ATP9B: variants seen among roughly 807,000 people sequenced by gnomAD.
The protein encoded by ATP9B is ATPase phospholipid transporting 9B, also known as probable phospholipid-transporting ATPase IIB.
In ATP9B, 110 loss-of-function variants were observed where a neutral mutation model predicts 146.1. The observed-to-expected ratio is 0.75, with a 90% CI of 0.65 to 0.88. The LOEUF is 0.88. Among genes scored for constraint, ATP9B ranks in the 40% least tolerant of loss-of-function variants. The pLI, the probability that ATP9B is intolerant of heterozygous loss-of-function variation, is 0.00. For missense variants in ATP9B, 1,499 were observed against 1,496.4 expected (o/e 1.00, Z -0.03); for synonymous variants, 604 against 569.7 (o/e 1.06, Z -0.86).
At chr18:79,376,325 A>C in intron 29 of ATP9B, 1 of 985,344 alleles carries the variant, frequency 1.0e-6, no homozygotes, top group African/African-American at 1.7e-5. Flanking sequence ...TGCCTTCACA[A>C]ATTCTGCCAC....
chr18:79,234,782 G>T (rs77208858), intron 11 of ATP9B, among the ~76,000 whole-genome samples: 47 of 152,214 alleles, frequency 3.1e-4, no homozygotes, highest in Middle Eastern at 3.4e-3. Context: ...ATCAACGGAC[G>T]GTATTTGGTT....
chr18:79,069,829 G>A (rs1388102340), intron 1 of ATP9B, among the ~76,000 whole-genome samples: 3 of 152,268 alleles, frequency 2.0e-5, no homozygotes, highest in Non-Finnish European at 4.4e-5. Context: ...CTCTCCTAAA[G>A]TAAACGGGGA....
Position 79,253,705 on chromosome 18 carries a change from G to A in ATP9B, c.1268+164G>A, listed in dbSNP as rs149197283. ...GAATTCTTCTGTGGAAATGTTGTTG[G>A]GGGAGACGTCATCAGTGCCGGTAGA... On this transcript the variant is annotated intron_variant, in intron 12 of 29. Transcript: ENST00000426216. 886 of 719,196 alleles carry A rather than the reference G, an allele frequency of 1.2e-3. 4 individuals carry two copies. In the African/African-American group the frequency reaches 0.014, roughly 11 times the overall value. The allele number at this position is 719,196 out of a possible 1,614,324, so 44.6% of individuals were successfully genotyped here.
intron 8 of ATP9B, among the ~76,000 whole-genome samples, chr18:79,177,409 A>ATT (rs1005637316): frequency 2.1e-5 from 3 of 145,110 alleles, no homozygotes; most frequent in African/African-American, 2.5e-5. Context: ...CCAGTTCTTA[A>ATT]TTTTTTTTTT....
At chr18:79,283,291 A>G (rs2096399170) in intron 13 of ATP9B, among the ~76,000 whole-genome samples, 1 of 152,136 alleles carries the variant, frequency 6.6e-6, no homozygotes, top group Non-Finnish European at 1.5e-5. Context: ...GTATCAGAGG[A>G]GGCATGTTGA....
chr18:79,105,702 C>G (rs1039207723), intron 2 of ATP9B, among the ~76,000 whole-genome samples: 18 of 152,140 alleles, frequency 1.2e-4, no homozygotes, highest in African/African-American at 4.1e-4. Context: ...CACTTGTTAT[C>G]AAAAATCACT....
chr18:79,258,057 T>C (rs1370901245), intron 12 of ATP9B, among the ~76,000 whole-genome samples: 1 of 152,226 alleles, frequency 6.6e-6, no homozygotes, highest in Non-Finnish European at 1.5e-5. Flanking sequence ...ACCTTTTACC[T>C]TTATCCAGTT....
At chr18:79,176,751 A>G in intron 7 of ATP9B, 62 bp from the exon 8 acceptor site, 1 of 1,365,212 alleles carries the variant, frequency 7.3e-7, no homozygotes, top group Non-Finnish European at 1.0e-6. Flanking sequence ...TGGCACCTGT[A>G]GCTCAGGAAA....
At chr18:79,173,360 G>T (rs2095108930) in intron 7 of ATP9B, among the ~76,000 whole-genome samples, 1 of 150,348 alleles carries the variant, frequency 6.7e-6, no homozygotes, top group African/African-American at 2.4e-5. Flanking sequence ...TTTTTTAATG[G>T]GTTGTTCCTT....
intron 7 of ATP9B, among the ~76,000 whole-genome samples, chr18:79,160,745 GGTTTGTTTGTGTTT>G (rs1320339530): frequency 6.6e-6 from 1 of 151,226 alleles, no homozygotes; most frequent in African/African-American, 2.4e-5. Flanking sequence ...CAATTTTATG[GGTTTGTTTGTGTTT>G]GTTTGTTTGT....
chr18:79,085,964 C>G (rs1422688526), intron 1 of ATP9B: 2 of 151,274 alleles, frequency 1.3e-5, no homozygotes, highest in Admixed American at 1.3e-4. Context: ...TTATGATAGT[C>G]TAATATTTTA....
chr18:79,308,156 T>C (rs1177169693), intron 15 of ATP9B, among the ~76,000 whole-genome samples: 1 of 152,060 alleles, frequency 6.6e-6, no homozygotes, highest in Non-Finnish European at 1.5e-5. Flanking sequence ...CCCACCAGGA[T>C]AACAGGAATC....
intron 11 of ATP9B, among the ~76,000 whole-genome samples, chr18:79,237,627 C>T (rs2095853863): frequency 6.8e-6 from 1 of 148,070 alleles, no homozygotes; most frequent in Non-Finnish European, 1.5e-5. Context: ...TATGATTGTT[C>T]TCTGTAGAGG....
intron 26 of ATP9B, among the ~76,000 whole-genome samples, chr18:79,371,410 C>A (rs2097069839): frequency 6.9e-6 from 1 of 144,400 alleles, no homozygotes; most frequent in African/African-American, 2.6e-5. Context: ...AACAGTAGTG[C>A]TTCTTCGTCA....
At chr18:79,339,364 A>G (rs2096845224) in intron 19 of ATP9B, among the ~76,000 whole-genome samples, 1 of 146,242 alleles carries the variant, frequency 6.8e-6, no homozygotes, top group Admixed American at 6.8e-5. Flanking sequence ...AGACTATCAT[A>G]TCTGTCTGAG....
chr18:79,347,798 A>G lies in ATP9B; in HGVS notation c.2711A>G (p.Asp904Gly). The change falls in exon 24 of 30, where the codon GAC (aspartate) becomes GGC (glycine). Residue 904 changes from aspartate to glycine, a missense_variant. Physicochemically the swap from Asp to Gly is moderately conservative, Grantham distance 94. Transcript: ENST00000426216. ...KEGKQASLAA[D>G]FSITQFRHIG... ...GGTAAACAGGCCTCGCTGGCGGCCG[A>G]CTTCTCCATCACGCAGTTCCGGCAC... 6.3e-7 allele frequency: 1 copy of G among 1,598,612 alleles called. No homozygotes were observed. The highest frequency in any genetic ancestry group is 1.1e-5 in the South Asian group (1 of 89,986).
chr18:79,208,325 G>A (rs1234869848), intron 10 of ATP9B, among the ~76,000 whole-genome samples: 1 of 152,214 alleles, frequency 6.6e-6, no homozygotes, highest in African/African-American at 2.4e-5. Context: ...TGGATTTAAA[G>A]AATATGCAGA....
intron 13 of ATP9B, among the ~76,000 whole-genome samples, chr18:79,287,763 G>A (rs371646472): frequency 0.022 from 3,357 of 151,172 alleles, 102 homozygotes; most frequent in African/African-American, 0.071. Flanking sequence ...TAGTGCTATA[G>A]ATTTCCCTCT....
At chr18:79,348,255 A>T in intron 25 of ATP9B, 59 bp downstream of exon 25, 4 of 1,051,930 alleles carry the variant, frequency 3.8e-6, no homozygotes, top group Non-Finnish European at 5.4e-6. Flanking sequence ...TTTGAAAAAA[A>T]AAAAAAAAAA....
Sources: gnomAD v4.1 joint callset for allele counts (sites outside exome capture counted in the v4.1 genomes callset) on GRCh38, gnomAD v4.1.1 for gene constraint, MANE v1.5 for transcripts, NCBI Gene and HGNC (gene_info 2026-07-23, HGNC 2026-07-21) for gene names.